Variants in GPR37 observed in about 807,000 individuals in gnomAD.
The protein encoded by GPR37 is prosaposin receptor GPR37.
Under a neutral mutation model 43.6 loss-of-function variants are expected in GPR37, and 20 were observed. The observed-to-expected ratio is 0.46, with a 90% CI of 0.32 to 0.67. GPR37 has a LOEUF of 0.67. Ranked by LOEUF, GPR37 falls within the 30% of genes least tolerant of loss-of-function variation. GPR37 has a pLI of 0.03. For synonymous variants in GPR37, 315 were observed against 322.6 expected (o/e 0.98, Z 0.25); for missense variants, 724 against 797.2 (o/e 0.91, Z 1.11).
Position 124,764,206 on chromosome 7 carries a change from C to T in GPR37, c.771G>A (p.Glu257=). Residue 257 remains glutamate, a synonymous_variant, in exon 1 of 2, where the codon GAG becomes GAA. Coordinates refer to ENST00000303921, the MANE Select transcript of GPR37 (RefSeq NM_005302.5). This position sits in a 1 kb window ranked among gnomAD's most constrained non-coding sequence, Gnocchi z 5.4. ...LKNPFYPLTQ[E]SYGAYAVMCL... is the part of the protein sequence containing the mutation. Reference sequence around the variant, plus strand: ...ACATGACCGCGTAGGCTCCATAGGACTCCTGGGTCAGCGGGTAGAAGGGGT... The same window carrying T: ...ACATGACCGCGTAGGCTCCATAGGATTCCTGGGTCAGCGGGTAGAAGGGGT... 1.3e-6 allele frequency: 2 copies of T among 1,592,954 alleles called. No homozygotes were observed. Among genetic ancestry groups the T allele is most frequent in the East Asian group, 4.5e-5 (2 of 44,730 alleles).
Position 124,764,173 on chromosome 7 carries a change from G to A in GPR37, c.804C>T (p.Ser268=). 6.3e-7 allele frequency: 1 copy of A among 1,598,978 alleles called. No individual in the cohort carries two copies. The highest frequency in any genetic ancestry group is 1.1e-5 in the South Asian group (1 of 87,864). ...SYGAYAVMCL[S]VVIFGTGIIG... Reference sequence around the variant, plus strand: ...TGATGCCGGTCCCGAAGATCACCACGGACAGACACATGACCGCGTAGGCTC... The same window carrying A: ...TGATGCCGGTCCCGAAGATCACCACAGACAGACACATGACCGCGTAGGCTC... The change falls in exon 1 of 2, where the codon TCC becomes TCT. Residue 268 remains serine, a synonymous_variant. Coordinates refer to ENST00000303921, the MANE Select transcript of GPR37 (RefSeq NM_005302.5). This position sits in a 1 kb window ranked among gnomAD's most constrained non-coding sequence, Gnocchi z 5.4.
intron 1 of GPR37, among the ~76,000 whole-genome samples, chr7:124,748,064 G>C (rs984404610): frequency 6.6e-5 from 10 of 152,132 alleles, no homozygotes; most frequent in African/African-American, 1.2e-4. Context: ...GTTTTAGCTA[G>C]AAAAATGGGG....
chr7:124,758,449 A>G (rs534601642), intron 1 of GPR37, among the ~76,000 whole-genome samples: 43 of 152,370 alleles, frequency 2.8e-4, no homozygotes, highest in African/African-American at 9.9e-4. Context: ...AAAGTCCGGC[A>G]GAATACCTAA....
rs1206461204 is a variant in GPR37, at chr7:124,746,934, C to T, written c.1433G>A (p.Arg478Gln). 3 of 1,614,038 alleles carry T rather than the reference C, an allele frequency of 1.9e-6. No homozygotes were observed. Among genetic ancestry groups the T allele is most frequent in the African/African-American group, 1.3e-5 (1 of 75,028 alleles). Residue 478 changes from arginine (R) to glutamine (Q), a missense_variant, in exon 2 of 2, where the codon CGA (arginine) becomes CAA (glutamine). Arg to Gln is a conservative substitution (Grantham distance 43). Transcript: ENST00000303921. ...TAGTTGAATCTGCCGTTTATTCCCTCGGGTACAGGCTTTCTCTGCTTTGCG... is the reference window on the plus strand; with the variant it reads ...TAGTTGAATCTGCCGTTTATTCCCTTGGGTACAGGCTTTCTCTGCTTTGCG... Reference protein sequence around the residue: ...KIRKAEKACTRGNKRQIQLES... With the variant: ...KIRKAEKACTQGNKRQIQLES...
intron 1 of GPR37, among the ~76,000 whole-genome samples, chr7:124,758,362 C>T (rs775967791): frequency 3.3e-5 from 5 of 152,174 alleles, no homozygotes; most frequent in African/African-American, 4.8e-5. Flanking sequence ...GCACCATTCT[C>T]ATATATTGAG....
At position 124,763,934 on chromosome 7, in the gene GPR37, G is replaced by C. The variant is rs776521818; in HGVS notation, c.1023+20C>G. 5.0e-6 allele frequency: 8 copies of C among 1,609,104 alleles called. No individual in the cohort carries two copies. The South Asian group carries it at 8.8e-5, about 18-fold the overall frequency. ...AAAACAGATAAAGCCACTAGCTTGA[G>C]AGCCCCTGGAAGGCATTACCTCTAT... is the stretch of plus-strand genomic sequence containing the variant. On this transcript the variant is annotated intron_variant, in intron 1 of 1. Coordinates refer to ENST00000303921, the MANE Select transcript of GPR37 (RefSeq NM_005302.5).
intron 1 of GPR37, among the ~76,000 whole-genome samples, chr7:124,753,352 A>G (rs1385679338): frequency 6.6e-6 from 1 of 152,106 alleles, no homozygotes; most frequent in Admixed American, 6.5e-5. Flanking sequence ...TTAAGATGCA[A>G]TTGGCTCAAT....
intron 1 of GPR37, among the ~76,000 whole-genome samples, chr7:124,752,350 G>T (rs893643063): frequency 6.6e-6 from 1 of 152,146 alleles, no homozygotes; most frequent in East Asian, 1.9e-4. Context: ...CTGCTGCTGG[G>T]AACAATGATG....
At chr7:124,761,365 T>C (rs574344309) in intron 1 of GPR37, among the ~76,000 whole-genome samples, 1 of 152,282 alleles carries the variant, frequency 6.6e-6, no homozygotes, top group East Asian at 1.9e-4. Flanking sequence ...GGGAGCAGGC[T>C]TGCATCCAAT....
In GPR37 at chr7:124,746,637, G is replaced by A. The variant is rs753969240; in HGVS notation, c.1730C>T (p.Thr577Met). 3 of 1,613,846 alleles carry A rather than the reference G, an allele frequency of 1.9e-6. No homozygotes were observed. The highest frequency in any genetic ancestry group is 8.5e-7 in the Non-Finnish European group (1 of 1,179,804). ...CCEECIQKSS[T>M]VTSDDNDNEY... ...GTTGTCATTGTCATCACTGGTCACC[G>A]TTGAAGACTTCTGAATGCATTCCTC... Residue 577 changes from threonine (T) to methionine (M), a missense_variant, in exon 2 of 2, where the codon ACG becomes ATG. Physicochemically the swap from Thr to Met is moderately conservative, Grantham distance 81. Around this residue, in one of 2 missense-constraint regions of GPR37, gnomAD observed 342 missense variants for 441.8 expected, o/e 0.77. Coordinates refer to ENST00000303921, the MANE Select transcript of GPR37 (RefSeq NM_005302.5).
chr7:124,760,303 G>T (rs1376766569), intron 1 of GPR37, among the ~76,000 whole-genome samples: 1 of 152,110 alleles, frequency 6.6e-6, no homozygotes, highest in Non-Finnish European at 1.5e-5. Flanking sequence ...CTTGAGGTCA[G>T]AGGCAAAATT....
At chr7:124,762,445 CTT>C (rs2116327648) in intron 1 of GPR37, among the ~76,000 whole-genome samples, 1 of 149,858 alleles carries the variant, frequency 6.7e-6, no homozygotes, top group South Asian at 2.1e-4. Context: ...CCGCTTTATA[CTT>C]TTGTCTCTTT....
chr7:124,760,127 C>G (rs1481628999), intron 1 of GPR37, among the ~76,000 whole-genome samples: 1 of 151,988 alleles, frequency 6.6e-6, no homozygotes, highest in Admixed American at 6.6e-5. Flanking sequence ...GGTTAAACAT[C>G]TTACTGGAAA....
At chr7:124,760,732 T>C (rs1273491615) in intron 1 of GPR37, among the ~76,000 whole-genome samples, 3 of 152,178 alleles carry the variant, frequency 2.0e-5, no homozygotes, top group Admixed American at 1.3e-4. Flanking sequence ...ACATGAAGCA[T>C]TGAGACCAAG....
intron 1 of GPR37, among the ~76,000 whole-genome samples, chr7:124,758,053 A>G (rs1049626473): frequency 6.6e-6 from 1 of 152,164 alleles, no homozygotes; most frequent in Non-Finnish European, 1.5e-5. Flanking sequence ...TAAAAAATCA[A>G]TTTTCCTATT....
At chr7:124,756,822 A>G (rs1447205084) in intron 1 of GPR37, among the ~76,000 whole-genome samples, 1 of 152,204 alleles carries the variant, frequency 6.6e-6, no homozygotes, top group Non-Finnish European at 1.5e-5. Flanking sequence ...TACTGTTAAA[A>G]GGTTGCCGCA....
Position 124,764,371 on chromosome 7 carries a change from A to T in GPR37, c.606T>A (p.Asn202Lys), listed in dbSNP as rs1793889283. The change falls in exon 1 of 2, where the codon AAT becomes AAA. Residue 202 changes from asparagine (N) to lysine (K), a missense_variant. Coordinates refer to ENST00000303921, the MANE Select transcript of GPR37 (RefSeq NM_005302.5). The surrounding 1 kb of genome is among the most constrained non-coding windows in gnomAD (Gnocchi z 5.4). ...SHHKPLSKTA[N>K]GLAGHEGWTI... ...TCCACCCTTCGTGCCCCGCCAGTCCATTGGCCGTCTTGGACAGGGGCTTGT... is the reference window on the plus strand; with the variant it reads ...TCCACCCTTCGTGCCCCGCCAGTCCTTTGGCCGTCTTGGACAGGGGCTTGT... 2.5e-6 allele frequency: 4 copies of T among 1,613,660 alleles called. No homozygotes were observed. The highest frequency in any genetic ancestry group is 1.1e-5 in the South Asian group (1 of 91,080).
In GPR37 at chr7:124,764,697, G is replaced by C; in HGVS notation, c.280C>G (p.Arg94Gly). Residue 94 changes from arginine to glycine, a missense_variant, in exon 1 of 2, where the codon CGT becomes GGT. This residue lies in a region of GPR37 where 382 missense variants were observed against 355.4 expected (regional missense o/e 1.07). Transcript: ENST00000303921. The surrounding 1 kb of genome is among the most constrained non-coding windows in gnomAD (Gnocchi z 5.4). ...PSWDLPAAPG[R>G]DPAAGRGAEA... ...GCCCCTCTGCCTGCAGCCGGGTCAC[G>C]GCCCGGGGCCGCCGGCAGGTCCCAG... The C allele has an allele frequency of 1.3e-6, 2 of 1,595,450 alleles. No homozygotes were observed. The highest frequency in any genetic ancestry group is 1.7e-4 in the Middle Eastern group (1 of 5,952).
At chr7:124,750,767 C>A (rs370196529) in intron 1 of GPR37, among the ~76,000 whole-genome samples, 26 of 152,220 alleles carry the variant, frequency 1.7e-4, no homozygotes, top group African/African-American at 6.3e-4. Context: ...GCTGCACATC[C>A]GCTCTTAATT....
Sources: gnomAD v4.1 joint callset for allele counts (sites outside exome capture counted in the v4.1 genomes callset) on GRCh38, gnomAD v4.1.1 for gene constraint, gnomAD v4.1.1 regional missense constraint, Gnocchi (gnomAD v3.1) non-coding constraint, MANE v1.5 for transcripts, NCBI Gene and HGNC (gene_info 2026-07-23, HGNC 2026-07-21) for gene names.